The following POTEM variants were observed in gnomAD, a reference collection of about 807,000 sequenced individuals.
POTEM encodes putative POTE ankyrin domain family member M.
For missense variants in POTEM, 24 were observed against 343.0 expected, an observed-to-expected ratio of 0.07 and a Z score of 7.35; for synonymous variants, 8 against 113.2, an observed-to-expected ratio of 0.07 and a Z score of 5.90.
chr14:18,969,239 C>A (rs1163134477), intron 1 of POTEM, among the ~76,000 whole-genome samples: 9 of 127,558 alleles, frequency 7.1e-5, no homozygotes, highest in East Asian at 2.1e-4. Flanking sequence ...GAGAAACATA[C>A]CAGAAGAAAA....
chr14:18,996,179 A>T, intron 9 of POTEM, among the ~76,000 whole-genome samples: 1 of 151,664 alleles, frequency 6.6e-6, no homozygotes. Context: ...TGCATGAAAT[A>T]AAAGTAAAAT....
chr14:18,996,515 C>T (rs867468983), intron 9 of POTEM, among the ~76,000 whole-genome samples: 2,833 of 117,722 alleles, frequency 0.024, no homozygotes, highest in Middle Eastern at 0.035. Flanking sequence ...CATTACCACC[C>T]GAGCTGCTCC....
chr14:18,972,003 C>CATT (rs1333264200), intron 1 of POTEM, among the ~76,000 whole-genome samples: 4,305 of 111,994 alleles, frequency 0.038, 24 homozygotes, highest in African/African-American at 0.098. Flanking sequence ...CTTTTAAGAA[C>CATT]TAAAATTTAA....
Position 19,002,395 on chromosome 14 carries a change from GC to G in POTEM, c.*3732del, listed in dbSNP as rs1891395374. Among the ~76,000 whole-genome samples the G allele has an allele frequency of 8.7e-6, 1 of 114,614 alleles. No individual in the cohort carries two copies. Among genetic ancestry groups the G allele is most frequent in the Non-Finnish European group, 1.8e-5 (1 of 54,206 alleles). 75.2% of individuals were successfully genotyped at this position (114,614 alleles called of 152,430 possible). ...CTTTAGGAATGCTGAGGTCAGACCA[GC>G]CACATCTCATGTGCAAGATTGCCCA... On this transcript the variant is annotated 3_prime_UTR_variant, in exon 11 of 11. Coordinates refer to ENST00000547889, the MANE Select transcript of POTEM (RefSeq NM_001145442.1).
rs1208163473 is a variant in POTEM at position 19,002,712 on chromosome 14, C to T, written c.*4047C>T. 1.3e-5 allele frequency among the ~76,000 whole-genome samples: 2 copies of T among 152,242 alleles called. No homozygotes were observed. The highest frequency in any genetic ancestry group is 4.8e-5 in the African/African-American group (2 of 41,456). On this transcript the variant is annotated 3_prime_UTR_variant, in exon 11 of 11. Coordinates refer to ENST00000547889, the MANE Select transcript of POTEM (RefSeq NM_001145442.1). ...TAGTTTCTGTGCTAGTGGACCGTAC[C>T]ATATCAGTGGAGAGCTGCAGCAAGG...
intron 10 of POTEM, 21 bp downstream of exon 10, chr14:18,997,180 GTT>G (rs1891321461): frequency 2.1e-6 from 1 of 475,696 alleles, no homozygotes; most frequent in Non-Finnish European, 3.7e-6. Context: ...ATTTTCAAAT[GTT>G]TTTATATGTG....
chr14:18,984,708 CACTTTGG>C (rs1488053035), intron 6 of POTEM, among the ~76,000 whole-genome samples: 2 of 49,340 alleles, frequency 4.1e-5, no homozygotes, highest in East Asian at 9.8e-4. Flanking sequence ...GTAATCCCAG[CACTTTGG>C]AGGCTGAGGT....
Position 18,992,952 on chromosome 14 carries a change from A to G in POTEM, c.1410-4089A>G, listed in dbSNP as rs1891262637. On this transcript the variant is annotated intron_variant, in intron 9 of 10. Coordinates refer to ENST00000547889, the MANE Select transcript of POTEM (RefSeq NM_001145442.1). The stretch of plus-strand genomic sequence containing the variant: ...TGCTCTGTCACCCAGGCTGCAGTGC[A>G]GTGGCGTGACCTCGGCTCACTGCAA... Among the ~76,000 whole-genome samples, 2 of 66,260 alleles carry G rather than the reference A, an allele frequency of 3.0e-5. 1 individual carries two copies. The highest frequency in any genetic ancestry group is 6.1e-5 in the Non-Finnish European group (2 of 32,960). 43.5% of individuals were successfully genotyped at this position (66,260 alleles called of 152,430 possible). A position where few individuals can be genotyped will look rare whatever the true frequency, so the allele number is the denominator to read the frequency against.
chr14:18,986,350 C>T (rs1433892904), intron 7 of POTEM, among the ~76,000 whole-genome samples: 1 of 140,962 alleles, frequency 7.1e-6, no homozygotes, highest in Admixed American at 6.9e-5. Flanking sequence ...ATATATTCTG[C>T]CTTGTGGTCT....
At chr14:18,986,431 G>T (rs1356624161) in intron 7 of POTEM, among the ~76,000 whole-genome samples, 3 of 134,148 alleles carry the variant, frequency 2.2e-5, no homozygotes, top group African/African-American at 9.2e-5. Context: ...CCTATTAAAG[G>T]AATCATATCT....
rs1198839648 is a variant in POTEM at position 19,002,912 on chromosome 14, A to G, written c.*4247A>G. 6.6e-6 allele frequency among the ~76,000 whole-genome samples: 1 copy of G among 152,288 alleles called. No homozygotes were observed. The highest frequency in any genetic ancestry group is 2.4e-5 in the African/African-American group (1 of 41,480). ...CCCCAACCCACATCAACTGCCATTA[A>G]AGAAAAGAAATTTCAGCCCATAATT... On this transcript the variant is annotated 3_prime_UTR_variant, in exon 11 of 11. Coordinates refer to ENST00000547889, the MANE Select transcript of POTEM (RefSeq NM_001145442.1).
chr14:18,969,357 GTATATATATA>G (rs201392796), intron 1 of POTEM, among the ~76,000 whole-genome samples: 8 of 105,368 alleles, frequency 7.6e-5, no homozygotes, highest in African/African-American at 2.6e-4. Flanking sequence ...ATATACATGT[GTATATATATA>G]TATATATATA....
At chr14:18,980,025 TA>T in intron 5 of POTEM, 48 bp from the exon 6 acceptor site, 1 of 654,788 alleles carries the variant, frequency 1.5e-6, no homozygotes. Flanking sequence ...AAGTATTTTT[TA>T]TATCAGTATT....
At chr14:18,968,677 G>T (rs1439819260) in intron 1 of POTEM, among the ~76,000 whole-genome samples, 2 of 151,694 alleles carry the variant, frequency 1.3e-5, no homozygotes, top group African/African-American at 4.8e-5. Flanking sequence ...AAAAAAATTA[G>T]CTGGACGCGG....
chr14:18,986,896 G>T (rs1891196832), intron 7 of POTEM, among the ~76,000 whole-genome samples: 1 of 151,950 alleles, frequency 6.6e-6, no homozygotes, highest in Non-Finnish European at 1.5e-5. Context: ...AGTTAAGTTT[G>T]CTGGTTCATG....
chr14:18,982,835 GT>G (rs150535989), intron 6 of POTEM, among the ~76,000 whole-genome samples: 3 of 32,146 alleles, frequency 9.3e-5, no homozygotes, highest in East Asian at 9.9e-4. Context: ...ATTGTTGGCA[GT>G]TTTTTTTTTA....
Position 18,967,462 on chromosome 14 carries a change from GC to G in POTEM, c.-22del. ...AGACGCGATCTGCTGGCTACTACCG[GC>G]CTCCCCTGGCTGTTAAAAGCAGATG... On this transcript the variant is annotated 5_prime_UTR_variant, in exon 1 of 11. Transcript: ENST00000547889. 1 of 1,188,080 alleles carries G rather than the reference GC, an allele frequency of 8.4e-7. No homozygotes were observed. Among genetic ancestry groups the G allele is most frequent in the Non-Finnish European group, 1.2e-6 (1 of 841,652 alleles). 73.6% of individuals were successfully genotyped at this position (1,188,080 alleles called of 1,614,324 possible).
intron 5 of POTEM, chr14:18,978,498 G>A: frequency 1.6e-5 from 1 of 64,450 alleles, no homozygotes; most frequent in East Asian, 5.0e-4. Context: ...GGTCAGAGGG[G>A]TGGCAGAAAG....
chr14:18,986,215 C>T (rs1214345537), intron 7 of POTEM, among the ~76,000 whole-genome samples: 1 of 139,720 alleles, frequency 7.2e-6, no homozygotes, highest in Non-Finnish European at 1.5e-5. Flanking sequence ...TATTATTAAG[C>T]AATAGAATTA....
Sources: gnomAD v4.1 joint callset for allele counts (sites outside exome capture counted in the v4.1 genomes callset) on GRCh38, gnomAD v4.1.1 for gene constraint, MANE v1.5 for transcripts, NCBI Gene and HGNC (gene_info 2026-07-23, HGNC 2026-07-21) for gene names.